Variants in KANSL2 observed in about 807,000 individuals in gnomAD.
KANSL2 encodes the protein KAT8 regulatory NSL complex subunit 2, also known as NSL complex protein NSL2.
In KANSL2, 34 loss-of-function variants were observed where a neutral mutation model predicts 55.6. The observed-to-expected ratio is 0.61, with a 90% CI of 0.46 to 0.81. The LOEUF (loss-of-function observed/expected upper bound fraction) is 0.81, where lower values mean the gene tolerates loss of function less well. Among genes scored for constraint, KANSL2 ranks in the 40% least tolerant of loss-of-function variants. The pLI is 0.00. For missense variants in KANSL2, 502 were observed against 609.9 expected (o/e 0.82, Z 1.86); for synonymous variants, 209 against 214.3 (o/e 0.98, Z 0.22).
At chr12:48,670,490 A>T (rs1250892089) in intron 5 of KANSL2, among the ~76,000 whole-genome samples, 1 of 152,186 alleles carries the variant, frequency 6.6e-6, no homozygotes, top group Non-Finnish European at 1.5e-5. Context: ...AGGCCCATGT[A>T]GGCCTAGGCT....
rs1394273144 is a variant in KANSL2, at chr12:48,669,285, G to T, written c.710-13C>A. The T allele has an allele frequency of 4.0e-6, 6 of 1,516,348 alleles. No homozygotes were observed. Among genetic ancestry groups the T allele is most frequent in the Non-Finnish European group, 5.3e-6 (6 of 1,129,324 alleles). 93.9% of individuals were successfully genotyped at this position (1,516,348 alleles called of 1,614,324 possible). A position where few individuals can be genotyped will look rare whatever the true frequency, so the allele number is the denominator to read the frequency against. On this transcript the variant is annotated splice_polypyrimidine_tract_variant and intron_variant, in intron 5 of 9. Transcript: ENST00000420613. ...AGGAGACTACTGCCTAGAGTTACAA[G>T]AGTCAAGATGTTATTTGCCAAGCAA...
At chr12:48,665,670 C>A (rs971082252) in intron 7 of KANSL2, among the ~76,000 whole-genome samples, 2 of 152,182 alleles carry the variant, frequency 1.3e-5, no homozygotes, top group Non-Finnish European at 2.9e-5. Flanking sequence ...GCTTTTACTG[C>A]GAAATTTTTC....
In KANSL2 at chr12:48,680,793, A is replaced by G. The variant is rs138727287; in HGVS notation, c.251+589T>C. Among the ~76,000 whole-genome samples the G allele has an allele frequency of 9.0e-4, 136 of 151,870 alleles. 1 individual carries two copies. The East Asian group carries it at 0.013, about 15-fold the overall frequency. On this transcript the variant is annotated intron_variant, in intron 2 of 9. Coordinates refer to ENST00000420613, the MANE Select transcript of KANSL2 (RefSeq NM_017822.4). ...GCAGTTCAAAACAAGCCTGGCCAAC[A>G]TGGTGAAACCCCGTCTCTACTAAAA... is the stretch of plus-strand genomic sequence containing the variant.
At chr12:48,677,410 C>A (rs917497770) in intron 4 of KANSL2, among the ~76,000 whole-genome samples, 1 of 152,048 alleles carries the variant, frequency 6.6e-6, no homozygotes, top group Non-Finnish European at 1.5e-5. Context: ...CCACACCAAA[C>A]GACACTCCCT....
At chr12:48,668,254 T>C (rs1939639790) in intron 6 of KANSL2, among the ~76,000 whole-genome samples, 2 of 152,222 alleles carry the variant, frequency 1.3e-5, no homozygotes, top group South Asian at 4.1e-4. Flanking sequence ...AATTTAGGAT[T>C]AACCTGTGCT....
chr12:48,661,175 A>C (rs1392736649), intron 7 of KANSL2: 1 of 874,966 alleles, frequency 1.1e-6, no homozygotes, highest in East Asian at 1.3e-4. Context: ...ATATCCTAAC[A>C]AGAAATTAAA....
chr12:48,662,696 T>C, intron 7 of KANSL2: 1 of 1,263,402 alleles, frequency 7.9e-7, no homozygotes, highest in Admixed American at 2.6e-5. Context: ...CTTAGGCAAC[T>C]ATGGAGTGGA....
At chr12:48,662,735 ACTTCC>A in intron 7 of KANSL2, 5 of 926,618 alleles carry the variant, frequency 5.4e-6, no homozygotes, top group Non-Finnish European at 7.2e-6. Context: ...GAAAAAAAAT[ACTTCC>A]CTTCTCTTTT....
intron 2 of KANSL2, among the ~76,000 whole-genome samples, chr12:48,680,240 T>C (rs1231714059): frequency 6.6e-6 from 1 of 152,192 alleles, no homozygotes; most frequent in Admixed American, 6.5e-5. Flanking sequence ...TTTTAGTTTT[T>C]TGTAGAAACG....
rs1939764728 is a variant in KANSL2 at position 48,673,460 on chromosome 12, TG to T, written c.546-1499del. Among the ~76,000 whole-genome samples, 4 of 150,660 alleles carry T rather than the reference TG, an allele frequency of 2.7e-5. No individual in the cohort carries two copies. The South Asian group carries it at 8.4e-4, about 32-fold the overall frequency. ...CTATAATCCCAGCTACTCGGGAGGCTGGGGCAGGAGAATTGCTTGAACCCGG... is the reference window on the plus strand; with the variant it reads ...CTATAATCCCAGCTACTCGGGAGGCTGGGCAGGAGAATTGCTTGAACCCGG... On this transcript the variant is annotated intron_variant, in intron 4 of 9. Transcript: ENST00000420613.
chr12:48,675,544 T>C (rs1939805642), intron 4 of KANSL2, among the ~76,000 whole-genome samples: 1 of 152,242 alleles, frequency 6.6e-6, no homozygotes, highest in Admixed American at 6.5e-5. Flanking sequence ...AAATTCACTT[T>C]TTGAATACTG....
At chr12:48,672,972 T>C (rs969127911) in intron 4 of KANSL2, among the ~76,000 whole-genome samples, 1 of 152,000 alleles carries the variant, frequency 6.6e-6, no homozygotes, top group Non-Finnish European at 1.5e-5. Flanking sequence ...TTGGTCAGGC[T>C]GGTCTTAACT....
intron 3 of KANSL2, 133 bp downstream of exon 3, chr12:48,679,522 C>T: frequency 1.4e-6 from 1 of 721,128 alleles, no homozygotes; most frequent in Non-Finnish European, 2.2e-6. Context: ...AACAACAAAG[C>T]AATCCCAGCA....
At chr12:48,672,108 C>A (rs758008776) in intron 4 of KANSL2, 146 bp from the exon 5 acceptor site, 6 of 538,732 alleles carry the variant, frequency 1.1e-5, no homozygotes, top group Non-Finnish European at 1.8e-5. Context: ...TTGTACCATT[C>A]AAGTTGTTAT....
Position 48,679,751 on chromosome 12 carries a change from C to G in KANSL2, c.334G>C (p.Gly112Arg). ...QMKKTNPGPV[G>R]ETLLCQLSSY... ...CTCAGCTGGCACAGGAGTGTTTCAC[C>G]CACAGGCCCTGGGTTGGTCTTCTTC... The change falls in exon 3 of 10, where the codon GGT becomes CGT. Residue 112 changes from glycine (G) to arginine (R), a missense_variant. Coordinates refer to ENST00000420613, the MANE Select transcript of KANSL2 (RefSeq NM_017822.4). 1.9e-6 allele frequency: 3 copies of G among 1,610,798 alleles called. No homozygotes were observed. Among genetic ancestry groups the G allele is most frequent in the Non-Finnish European group, 2.5e-6 (3 of 1,178,520 alleles).
chr12:48,675,540 A>C (rs1182013578), intron 4 of KANSL2, among the ~76,000 whole-genome samples: 2 of 152,230 alleles, frequency 1.3e-5, no homozygotes, highest in Non-Finnish European at 2.9e-5. Flanking sequence ...AATGAAATTC[A>C]CTTTTTGAAT....
At chr12:48,666,782 T>G (rs552318938) in intron 7 of KANSL2, among the ~76,000 whole-genome samples, 1 of 151,782 alleles carries the variant, frequency 6.6e-6, no homozygotes, top group African/African-American at 2.4e-5. Context: ...AAGGCTGAGG[T>G]AGGAGAATTG....
intron 4 of KANSL2, among the ~76,000 whole-genome samples, chr12:48,675,850 T>A (rs947827863): frequency 6.6e-6 from 1 of 152,196 alleles, no homozygotes; most frequent in Non-Finnish European, 1.5e-5. Context: ...CAAGGTTTTA[T>A]TATTAGCATT....
At chr12:48,672,581 C>T (rs1460453100) in intron 4 of KANSL2, among the ~76,000 whole-genome samples, 3 of 151,186 alleles carry the variant, frequency 2.0e-5, no homozygotes, top group Non-Finnish European at 4.4e-5. Context: ...CAGGTGTGCA[C>T]CACCCCACTT....
Sources: gnomAD v4.1 joint callset for allele counts (sites outside exome capture counted in the v4.1 genomes callset) on GRCh38, gnomAD v4.1.1 for gene constraint, MANE v1.5 for transcripts, NCBI Gene and HGNC (gene_info 2026-07-23, HGNC 2026-07-21) for gene names.